Variants in SEPTIN3 observed in about 807,000 individuals in gnomAD.
The protein encoded by SEPTIN3 is neuronal-specific septin-3.
SEPTIN3 carries 15 observed loss-of-function variants against 45.1 expected under a neutral mutation model. The ratio of observed to expected loss-of-function variants is 0.33; its 90% CI spans 0.22 to 0.51. The LOEUF (loss-of-function observed/expected upper bound fraction) is 0.51. SEPTIN3 is among the 20% of genes least tolerant of loss of function. The probability of loss-of-function intolerance (pLI) is 0.97; values close to 1 mark genes in which losing one functional copy is unlikely to be tolerated. For missense variants in SEPTIN3, 289 were observed against 457.2 expected (o/e 0.63, Z 3.35); for synonymous variants, 148 against 164.8 (o/e 0.90, Z 0.78).
intron 6 of SEPTIN3, among the ~76,000 whole-genome samples, chr22:41,988,520 G>C (rs2078246650): frequency 6.6e-6 from 1 of 152,114 alleles, no homozygotes. Flanking sequence ...AAATTTTCTA[G>C]GAACCAGGCA....
Position 41,998,084 on chromosome 22 carries a change from C to T in SEPTIN3, c.*1117C>T, listed in dbSNP as rs1214334894. 2 of 152,698 alleles carry T rather than the reference C, an allele frequency of 1.3e-5. No individual in the cohort carries two copies. Among genetic ancestry groups the T allele is most frequent in the Admixed American group, 6.5e-5 (1 of 15,286 alleles). 9.5% of individuals were successfully genotyped at this position (152,698 alleles called of 1,614,324 possible). ...AGAACAACCCGTTTCTTAAATGTTA[C>T]CAGTCCCAGCCAATCTTACGGTGAC... On this transcript the variant is annotated 3_prime_UTR_variant, in exon 12 of 12. Transcript: ENST00000644076.
At chr22:41,996,790 T>TG (rs2078448672) in intron 11 of SEPTIN3, 112 bp from the exon 12 acceptor site, 19 of 1,547,580 alleles carry the variant, frequency 1.2e-5, no homozygotes, top group Non-Finnish European at 1.7e-5. Flanking sequence ...TGAGTAGGAA[T>TG]GGTGCCTGGC....
chr22:41,988,421 C>T (rs982977510), intron 6 of SEPTIN3, among the ~76,000 whole-genome samples: 4 of 151,790 alleles, frequency 2.6e-5, no homozygotes, highest in Admixed American at 6.6e-5. Context: ...CTGCAGAGAC[C>T]GGGGGAGGGG....
chr22:41,992,838 T>G, intron 9 of SEPTIN3, 75 bp downstream of exon 9: 1 of 944,358 alleles, frequency 1.1e-6, no homozygotes, highest in Non-Finnish European at 1.7e-6. Context: ...CATCTATAGG[T>G]CAAGGCACTG....
Position 41,991,669 on chromosome 22 carries a change from G to T in SEPTIN3, c.2259+1G>T. 6.2e-7 allele frequency: 1 copy of T among 1,605,678 alleles called. No individual in the cohort carries two copies. The highest frequency in any genetic ancestry group is 8.5e-7 in the Non-Finnish European group (1 of 1,172,346). On this transcript the variant is annotated splice_donor_variant, in intron 8 of 11. Coordinates refer to ENST00000644076, the MANE Select transcript of SEPTIN3 (RefSeq NM_001363845.2). LOFTEE classifies it high-confidence loss of function. ...TAAGACGGAGAATGACAAAATCAGG[G>T]TGGGTGCCTGGGGCACTGCTCCTCC...
chr22:41,982,728 A>C, intron 3 of SEPTIN3, among the ~76,000 whole-genome samples: 1 of 151,842 alleles, frequency 6.6e-6, no homozygotes, highest in East Asian at 1.9e-4. Context: ...GTCTCTATTA[A>C]AAATACAAAA....
rs2078456839 is a variant in SEPTIN3, at chr22:41,997,174, G to A, written c.*207G>A. 4 of 909,196 alleles carry A rather than the reference G, an allele frequency of 4.4e-6. No homozygotes were observed. The highest frequency in any genetic ancestry group is 2.8e-5 in the Admixed American group (1 of 35,698). 56.3% of individuals were successfully genotyped at this position (909,196 alleles called of 1,614,324 possible). A position where few individuals can be genotyped will look rare whatever the true frequency, so the allele number is the denominator to read the frequency against. On this transcript the variant is annotated 3_prime_UTR_variant, in exon 12 of 12. Coordinates refer to ENST00000644076, the MANE Select transcript of SEPTIN3 (RefSeq NM_001363845.2). ...TCTCCTCCCAGTGGAGTGGGGTTCT[G>A]CCAGTACAGCCCTACTGCATCATCT... is the stretch of plus-strand genomic sequence containing the variant.
rs993659803 is a variant in SEPTIN3 at position 41,992,516 on chromosome 22, T to A, written c.2260-148T>A. The A allele has an allele frequency of 1.0e-5, 6 of 583,346 alleles. No homozygotes were observed. In the African/African-American group the frequency reaches 1.1e-4, roughly 11 times the overall value. The allele number at this position is 583,346 out of a possible 1,614,324, so 36.1% of individuals were successfully genotyped here. On this transcript the variant is annotated intron_variant, in intron 8 of 11. Coordinates refer to ENST00000644076, the MANE Select transcript of SEPTIN3 (RefSeq NM_001363845.2). Reference sequence around the variant, plus strand: ...GTGCTCTTTTCAAGAGACTGAGCCTTGCCCTTGCCATCAGTAGTATCTCTG... The same window carrying A: ...GTGCTCTTTTCAAGAGACTGAGCCTAGCCCTTGCCATCAGTAGTATCTCTG...
intron 2 of SEPTIN3, among the ~76,000 whole-genome samples, chr22:41,975,556 G>A (rs545112619): frequency 1.3e-5 from 2 of 152,198 alleles, no homozygotes; most frequent in East Asian, 1.9e-4. Context: ...TTATCTACCC[G>A]GATGTCTCCC....
intron 1 of SEPTIN3, 50 bp downstream of exon 1, chr22:41,969,727 G>T (rs2077938163): frequency 6.9e-6 from 1 of 145,836 alleles, no homozygotes; most frequent in Middle Eastern, 3.3e-3. Context: ...GGGGTGGGAG[G>T]GTGGTGGGGG....
At chr22:41,996,811 C>G in intron 11 of SEPTIN3, 91 bp from the exon 12 acceptor site, 4 of 1,579,668 alleles carry the variant, frequency 2.5e-6, no homozygotes, top group Non-Finnish European at 3.4e-6. Flanking sequence ...ACCCCTGAAC[C>G]ATGATCTGAG....
At chr22:41,981,562 C>G in intron 2 of SEPTIN3, 83 bp from the exon 3 acceptor site, 2 of 1,191,396 alleles carry the variant, frequency 1.7e-6, no homozygotes, top group South Asian at 2.9e-5. Context: ...GATTCTGTAG[C>G]AAGAGAAAAA....
intron 2 of SEPTIN3, among the ~76,000 whole-genome samples, chr22:41,980,330 G>A (rs1229084164): frequency 2.0e-5 from 3 of 151,962 alleles, no homozygotes; most frequent in Non-Finnish European, 4.4e-5. Context: ...TAGAGACAGG[G>A]TTTCACTATG....
At chr22:41,987,156 G>C in intron 4 of SEPTIN3, 50 bp from the exon 5 acceptor site, 1 of 1,451,564 alleles carries the variant, frequency 6.9e-7, no homozygotes, top group Non-Finnish European at 9.5e-7. Flanking sequence ...CAGGTACCTG[G>C]GGTCAGCTGT....
intron 2 of SEPTIN3, chr22:41,977,200 G>A: frequency 1.1e-6 from 1 of 883,088 alleles, no homozygotes; most frequent in Non-Finnish European, 1.7e-6. Context: ...ACAGATGCGC[G>A]GACACACGCA....
At chr22:41,990,835 G>A (rs1239423625) in intron 7 of SEPTIN3, among the ~76,000 whole-genome samples, 3 of 151,754 alleles carry the variant, frequency 2.0e-5, no homozygotes, top group Non-Finnish European at 1.5e-5. Context: ...AGGCCAAGGC[G>A]GGTGGATCAC....
intron 8 of SEPTIN3, among the ~76,000 whole-genome samples, chr22:41,992,051 G>A (rs2078326646): frequency 6.6e-6 from 1 of 152,130 alleles, no homozygotes; most frequent in African/African-American, 2.4e-5. Context: ...GTTAGACTGA[G>A]TGGCTTATAG....
intron 8 of SEPTIN3, 81 bp from the exon 9 acceptor site, chr22:41,992,583 A>T: frequency 1.2e-6 from 1 of 852,420 alleles, no homozygotes; most frequent in Non-Finnish European, 1.9e-6. Flanking sequence ...AGAGGACCAT[A>T]TGCCATCCTG....
At chr22:41,985,586 A>G (rs771962552) in intron 3 of SEPTIN3, 13 of 178,054 alleles carry the variant, frequency 7.3e-5, no homozygotes, top group Non-Finnish European at 1.3e-4. Context: ...GTGAATGTAC[A>G]ATATGCACTG....
Sources: allele counts gnomAD v4.1 joint callset (sites outside exome capture counted in the v4.1 genomes callset), GRCh38; gene constraint gnomAD v4.1.1; transcripts MANE v1.5; gene names NCBI Gene and HGNC (gene_info 2026-07-23, HGNC 2026-07-21).